Variants in STARD13 observed in about 807,000 individuals in gnomAD.
The protein encoded by STARD13 is stAR-related lipid transfer protein 13.
Under a neutral mutation model 106.4 loss-of-function variants are expected in STARD13, and 62 were observed. That is an observed-to-expected ratio of 0.58 (90% CI 0.48 to 0.72). The LOEUF is 0.72. Ranked by LOEUF, STARD13 falls within the 30% of genes least tolerant of loss-of-function variation. STARD13 has a pLI of 0.00. For synonymous variants in STARD13, 565 were observed against 553.0 expected, an observed-to-expected ratio of 1.02 and a Z score of -0.31; for missense variants, 1,387 against 1,424.0, an observed-to-expected ratio of 0.97 and a Z score of 0.42.
the STARD13 span, among the ~76,000 whole-genome samples, chr13:33,391,267 G>GAA: frequency 6.6e-6 from 1 of 152,136 alleles, no homozygotes; most frequent in African/African-American, 2.4e-5. Flanking sequence ...TCAGCAAGAC[G>GAA]AAACCCTTCA....
chr13:33,284,724 TA>T (rs1334773343), intron 1 of STARD13, among the ~76,000 whole-genome samples: 3 of 147,744 alleles, frequency 2.0e-5, no homozygotes, highest in South Asian at 2.1e-4. Context: ...GAGCATGTTT[TA>T]AATTTTTTTT....
At chr13:33,492,078 G>C in the STARD13 span, among the ~76,000 whole-genome samples, 3 of 152,148 alleles carry the variant, frequency 2.0e-5, no homozygotes, top group South Asian at 2.1e-4. Context: ...TGCTCAGTAA[G>C]GGAGCTTTTG....
At position 33,325,155 on chromosome 13, in the gene STARD13, AT is replaced by A. The variant is rs112685017; in HGVS notation, c.124+25134del. Among the ~76,000 whole-genome samples the A allele has an allele frequency of 8.2e-3, 1,252 of 152,248 alleles. 25 individuals are homozygous for A. Among genetic ancestry groups the A allele is most frequent in the African/African-American group, 0.029 (1,193 of 41,554 alleles). ...GCTTGTTTATCACAGGCAGCTTGTC[AT>A]TTTCCCCCCAAATCCTCACTGGCAC... On this transcript the variant is annotated intron_variant, in intron 1 of 5. Transcript: ENST00000567873.
At chr13:33,531,783 A>C in the STARD13 span, among the ~76,000 whole-genome samples, 1 of 152,174 alleles carries the variant, frequency 6.6e-6, no homozygotes, top group Non-Finnish European at 1.5e-5. Flanking sequence ...CTTAGTCTCT[A>C]ATCTATTACA....
chr13:33,427,901 G>T, the STARD13 span, among the ~76,000 whole-genome samples: 1 of 150,080 alleles, frequency 6.7e-6, no homozygotes, highest in Non-Finnish European at 1.5e-5. Flanking sequence ...GTTGTGGTGA[G>T]CTGAGATCGT....
chr13:33,216,094 G>A (rs941667099), intron 1 of STARD13, among the ~76,000 whole-genome samples: 4 of 152,060 alleles, frequency 2.6e-5, no homozygotes, highest in Admixed American at 6.6e-5. Flanking sequence ...GATGAAAAGG[G>A]AACACTTTTA....
downstream of STARD13, among the ~76,000 whole-genome samples, chr13:33,348,217 C>T (rs971028690): frequency 6.6e-6 from 1 of 152,220 alleles, no homozygotes; most frequent in Non-Finnish European, 1.5e-5. Context: ...AATAATTGCA[C>T]TACTCTTGAG....
At chr13:33,458,020 T>G in the STARD13 span, among the ~76,000 whole-genome samples, 26 of 152,180 alleles carry the variant, frequency 1.7e-4, no homozygotes, top group Non-Finnish European at 3.4e-4. Context: ...AGCATCAAAC[T>G]CATTTAAATA....
At chr13:33,509,587 G>T in the STARD13 span, among the ~76,000 whole-genome samples, 1 of 152,166 alleles carries the variant, frequency 6.6e-6, no homozygotes, top group Non-Finnish European at 1.5e-5. Context: ...TAGGGAGAGG[G>T]GTAGAGCATA....
intron 3 of STARD13, among the ~76,000 whole-genome samples, chr13:33,155,036 C>T (rs942660520): frequency 3.3e-5 from 5 of 152,100 alleles, no homozygotes; most frequent in African/African-American, 1.2e-4. Flanking sequence ...CACTCTTAGT[C>T]CTCTCCTCAC....
chr13:33,242,285 C>T (rs1163199825), intron 1 of STARD13, among the ~76,000 whole-genome samples: 7 of 152,138 alleles, frequency 4.6e-5, no homozygotes, highest in Middle Eastern at 3.4e-3. Context: ...GCCATGATGA[C>T]GAGGGCAGTT....
At chr13:33,543,004 G>A in the STARD13 span, among the ~76,000 whole-genome samples, 1 of 152,232 alleles carries the variant, frequency 6.6e-6, no homozygotes, top group East Asian at 1.9e-4. Context: ...CTCTGAAGCG[G>A]AAGCTGCCTG....
chr13:33,502,662 G>T, the STARD13 span, among the ~76,000 whole-genome samples: 1 of 152,068 alleles, frequency 6.6e-6, no homozygotes, highest in Non-Finnish European at 1.5e-5. Flanking sequence ...TTTGTCTTTG[G>T]TTCTGTTTAT....
At chr13:33,163,603 AAAATATATATATATATATATAAAACATAT>A (rs1566038426) in intron 3 of STARD13, among the ~76,000 whole-genome samples, 64 of 126,696 alleles carry the variant, frequency 5.1e-4, no homozygotes, top group African/African-American at 2.1e-3. Flanking sequence ...AAAAAAAAAA[AAAATATATATATATATATATAAAACATAT>A]ATATATAACA....
chr13:33,410,631 G>T, the STARD13 span, among the ~76,000 whole-genome samples: 1 of 152,178 alleles, frequency 6.6e-6, no homozygotes, highest in African/African-American at 2.4e-5. Context: ...ACTTGTGAGG[G>T]ATGGTTAAAA....
At chr13:33,265,355 CCTT>C (rs1890846657) in intron 1 of STARD13, among the ~76,000 whole-genome samples, 1 of 152,176 alleles carries the variant, frequency 6.6e-6, no homozygotes, top group South Asian at 2.1e-4. Flanking sequence ...TTGAAAATCT[CCTT>C]CTTGCTAAGA....
At chr13:33,576,896 AT>A in the STARD13 span, among the ~76,000 whole-genome samples, 2 of 152,214 alleles carry the variant, frequency 1.3e-5, no homozygotes, top group Non-Finnish European at 2.9e-5. Context: ...ATTCTTAGTG[AT>A]TTTAATAACT....
chr13:33,206,139 G>T (rs562510256), intron 1 of STARD13: 58 of 373,162 alleles, frequency 1.6e-4, no homozygotes, highest in African/African-American at 1.3e-3. Flanking sequence ...TTTAAAACTG[G>T]CTCTGCCGCT....
intron 1 of STARD13, among the ~76,000 whole-genome samples, chr13:33,212,137 C>T (rs192294028): frequency 9.5e-4 from 144 of 152,264 alleles, no homozygotes; most frequent in African/African-American, 3.3e-3. Flanking sequence ...ACCAGCACCA[C>T]TCAGAAGCAT....
Sources: gnomAD v4.1 joint callset for allele counts (sites outside exome capture counted in the v4.1 genomes callset) on GRCh38, gnomAD v4.1.1 for gene constraint, MANE v1.5 for transcripts, NCBI Gene and HGNC (gene_info 2026-07-23, HGNC 2026-07-21) for gene names.